The following NFYB variants were observed in gnomAD, a reference collection of about 807,000 sequenced individuals.
NFYB encodes the protein nuclear transcription factor Y subunit beta, also known as CAAT box DNA-binding protein subunit B.
NFYB carries 13 observed loss-of-function variants against 28.0 expected under a neutral mutation model. The observed-to-expected ratio is 0.46, with a 90% confidence interval of 0.30 to 0.74. The LOEUF (loss-of-function observed/expected upper bound fraction) is 0.74. Among genes scored for constraint, NFYB ranks in the 30% least tolerant of loss-of-function variants. The pLI, the probability that NFYB is intolerant of heterozygous loss-of-function variation, is 0.07. For missense variants in NFYB, 142 were observed against 247.6 expected (o/e 0.57, Z 2.86); for synonymous variants, 74 against 75.0 (o/e 0.99, Z 0.07).
At chr12:104,131,838 C>T (rs569434963) in intron 2 of NFYB, 2 of 454,908 alleles carry the variant, frequency 4.4e-6, no homozygotes, top group African/African-American at 4.0e-5. Context: ...TGTTACATAA[C>T]CTGGGAGGCA....
chr12:104,132,950 G>C (rs2030976847), intron 2 of NFYB, among the ~76,000 whole-genome samples: 1 of 152,042 alleles, frequency 6.6e-6, no homozygotes, highest in Non-Finnish European at 1.5e-5. Flanking sequence ...GACAAAGAGT[G>C]GTTAAATCCC....
At chr12:104,136,696 A>C (rs1454262275) in intron 1 of NFYB, among the ~76,000 whole-genome samples, 2 of 152,158 alleles carry the variant, frequency 1.3e-5, no homozygotes, top group Non-Finnish European at 2.9e-5. Flanking sequence ...CACCACACTC[A>C]CTCACCCAAA....
At chr12:104,131,463 A>G (rs1024634173) in intron 2 of NFYB, 5 of 233,726 alleles carry the variant, frequency 2.1e-5, no homozygotes, top group African/African-American at 1.2e-4. Context: ...AGTGTTCTCT[A>G]TCCTCCTTTA....
chr12:104,121,353 T>TTC, intron 5 of NFYB, 32 bp from the exon 6 acceptor site: 1 of 1,558,020 alleles, frequency 6.4e-7, no homozygotes, highest in Non-Finnish European at 8.7e-7. Context: ...GTCACTGATA[T>TTC]TCAAATGAAA....
At chr12:104,126,359 T>C in intron 3 of NFYB, 115 bp from the exon 4 acceptor site, 2 of 751,550 alleles carry the variant, frequency 2.7e-6, no homozygotes, top group Non-Finnish European at 3.8e-6. Flanking sequence ...TTAACCATTA[T>C]TTAGGGATTA....
chr12:104,124,053 C>T (rs1174625793), intron 4 of NFYB, among the ~76,000 whole-genome samples: 1 of 152,198 alleles, frequency 6.6e-6, no homozygotes, highest in Non-Finnish European at 1.5e-5. Flanking sequence ...CTCTTAATAA[C>T]CCAGTGCCCC....
intron 2 of NFYB, among the ~76,000 whole-genome samples, chr12:104,134,565 A>G (rs1411620211): frequency 6.6e-6 from 1 of 152,124 alleles, no homozygotes; most frequent in African/African-American, 2.4e-5. Flanking sequence ...CCATCTTAAC[A>G]TATTGTTATA....
chr12:104,136,633 T>C (rs2031109873), intron 1 of NFYB, among the ~76,000 whole-genome samples: 1 of 152,120 alleles, frequency 6.6e-6, no homozygotes, highest in Non-Finnish European at 1.5e-5. Context: ...GGAGCTATAT[T>C]TATGTATTTT....
chr12:104,129,242 G>A (rs891475364), intron 2 of NFYB, among the ~76,000 whole-genome samples: 2 of 152,000 alleles, frequency 1.3e-5, no homozygotes, highest in African/African-American at 4.8e-5. Context: ...GCTGAAGCAG[G>A]AGGACTGCTT....
intron 3 of NFYB, among the ~76,000 whole-genome samples, chr12:104,126,542 TTTTC>T (rs2030721721): frequency 1.3e-5 from 2 of 152,212 alleles, no homozygotes; most frequent in African/African-American, 4.8e-5. Context: ...AAAAATGATC[TTTTC>T]TTTCATAAAA....
chr12:104,121,983 T>C (rs905723648), intron 5 of NFYB, among the ~76,000 whole-genome samples: 3 of 152,202 alleles, frequency 2.0e-5, no homozygotes, highest in Admixed American at 6.5e-5. Context: ...ACAAAATCCA[T>C]TCCTACAGGC....
rs561832561 is a variant in NFYB, at chr12:104,119,631, A to G, written c.*106T>C. On this transcript the variant is annotated 3_prime_UTR_variant, in exon 8 of 8. Transcript: ENST00000240055. Reference sequence around the variant, plus strand: ...TCAGGAAGCTACATTACAGCTATTAATATACAAAGATACATCTTTTCACCA... The same window carrying G: ...TCAGGAAGCTACATTACAGCTATTAGTATACAAAGATACATCTTTTCACCA... 60 of 715,900 alleles carry G rather than the reference A, an allele frequency of 8.4e-5. 1 individual carries two copies. In the South Asian group the frequency reaches 1.2e-3, roughly 14 times the overall value. The allele number at this position is 715,900 out of a possible 1,614,324, so 44.3% of individuals were successfully genotyped here.
At chr12:104,134,516 T>C (rs766998276) in intron 2 of NFYB, among the ~76,000 whole-genome samples, 23 of 152,304 alleles carry the variant, frequency 1.5e-4, no homozygotes, top group Non-Finnish European at 1.9e-4. Flanking sequence ...CTCCTAGATA[T>C]GCTTTCCCTT....
chr12:104,118,052 A>G lies in NFYB; in HGVS notation c.*1685T>C, dbSNP rs2136640017. 6.6e-6 allele frequency: 1 copy of G among 152,358 alleles called. No homozygotes were observed. Among genetic ancestry groups the G allele is most frequent in the East Asian group, 1.9e-4 (1 of 5,192 alleles). 9.4% of individuals were successfully genotyped at this position (152,358 alleles called of 1,614,324 possible). On this transcript the variant is annotated 3_prime_UTR_variant, in exon 8 of 8. Transcript: ENST00000240055. ...AATTATGATTGAGTCATACAGCAGA[A>G]TAATAAACCAATAAAAATGATGCAG...
chr12:104,136,711 T>A (rs1027251185), intron 1 of NFYB, among the ~76,000 whole-genome samples: 3 of 152,120 alleles, frequency 2.0e-5, no homozygotes, highest in Non-Finnish European at 2.9e-5. Flanking sequence ...CCCAAATAGT[T>A]GATTCAGTAT....
At chr12:104,128,384 C>T in intron 3 of NFYB, 40 bp downstream of exon 3, 1 of 1,471,016 alleles carries the variant, frequency 6.8e-7, no homozygotes, top group South Asian at 1.2e-5. Flanking sequence ...TTCTAACTTG[C>T]TTCAACTTGA....
rs748295095 is a variant in NFYB at position 104,123,304 on chromosome 12, A to G, written c.351T>C (p.Asp117=). 3 of 1,613,998 alleles carry G rather than the reference A, an allele frequency of 1.9e-6. No individual in the cohort carries two copies. The Admixed American group carries it at 5.0e-5, about 27-fold the overall frequency. ...CTAAAGTAGACATAGCAAAGAGAAT[A>G]TCTTCTCCATTGATTGTTTTCCGTT... ...QEKRKTINGE[D]ILFAMSTLGF... The change falls in exon 5 of 8, where the codon GAT becomes GAC. Residue 117 remains aspartate, a synonymous_variant. Transcript: ENST00000240055.
At chr12:104,136,507 A>G (rs1480866471) in intron 1 of NFYB, among the ~76,000 whole-genome samples, 1 of 152,254 alleles carries the variant, frequency 6.6e-6, no homozygotes, top group Non-Finnish European at 1.5e-5. Flanking sequence ...CTTTTCAAAT[A>G]TTAATAGTAT....
intron 6 of NFYB, 131 bp downstream of exon 6, chr12:104,121,109 T>G (rs2030454945): frequency 6.9e-6 from 5 of 719,690 alleles, no homozygotes; most frequent in South Asian, 5.8e-5. Flanking sequence ...TAAAAGGGCA[T>G]GAACTGATAA....
Sources: allele counts gnomAD v4.1 joint callset (sites outside exome capture counted in the v4.1 genomes callset), GRCh38; gene constraint gnomAD v4.1.1; transcripts MANE v1.5; gene names NCBI Gene and HGNC (gene_info 2026-07-23, HGNC 2026-07-21).